SNX4: variants seen among roughly 807,000 people sequenced by gnomAD.
SNX4 encodes sorting nexin 4.
A neutral mutation model predicts 70.8 loss-of-function variants in SNX4; 49 were observed. The observed-to-expected ratio is 0.69, with a 90% CI of 0.55 to 0.88. SNX4 has a LOEUF of 0.88. Among genes scored for constraint, SNX4 ranks in the 40% least tolerant of loss-of-function variants. The probability of loss-of-function intolerance (pLI) is 0.00; values close to 1 mark genes in which losing one functional copy is unlikely to be tolerated. For synonymous variants in SNX4, 206 were observed against 183.8 expected (o/e 1.12, Z -0.98); for missense variants, 528 against 544.8 (o/e 0.97, Z 0.31).
At chr3:125,485,988 G>A (rs9861414) in intron 6 of SNX4, among the ~76,000 whole-genome samples, 68,213 of 151,850 alleles carry the variant, frequency 0.45, 15,444 homozygotes, top group Admixed American at 0.51. Context: ...TTACAGGTGT[G>A]CCCCACCACA....
intron 5 of SNX4, among the ~76,000 whole-genome samples, chr3:125,494,230 T>C (rs961777873): frequency 1.3e-4 from 20 of 152,186 alleles, no homozygotes; most frequent in Middle Eastern, 3.4e-3. Context: ...AATAAAGCTT[T>C]CAACACTTCC....
chr3:125,453,510 T>G (rs1419472320), intron 12 of SNX4, among the ~76,000 whole-genome samples: 1 of 151,820 alleles, frequency 6.6e-6, no homozygotes, highest in African/African-American at 2.4e-5. Flanking sequence ...ATTTATTTAT[T>G]TATTTATTTA....
rs545185205 is a variant in SNX4 at position 125,460,772 on chromosome 3, G to A, written c.943C>T (p.Arg315Trp). 2.7e-6 allele frequency: 4 copies of A among 1,498,556 alleles called. No homozygotes were observed. Among genetic ancestry groups the A allele is most frequent in the Admixed American group, 4.2e-5 (2 of 47,640 alleles). 92.8% of individuals were successfully genotyped at this position (1,498,556 alleles called of 1,614,324 possible). Residue 315 changes from arginine (R) to tryptophan (W), a missense_variant and splice_region_variant, in exon 10 of 14, where the codon CGG (arginine) becomes TGG (tryptophan). Arg to Trp is a moderately radical substitution (Grantham distance 101, BLOSUM62 -3). Coordinates refer to ENST00000251775, the MANE Select transcript of SNX4 (RefSeq NM_003794.4). ...ACCTGGAACTTTTATTAAACTTACC[G>A]CAATGCTTCTGCATAAAAAAGATAC... ...KEYLFYAEAL[R>W]AVCRKHELMQ...
chr3:125,488,172 T>TAAAAAAAA (rs35693375), intron 6 of SNX4, among the ~76,000 whole-genome samples: 1 of 93,524 alleles, frequency 1.1e-5, no homozygotes, highest in Admixed American at 1.2e-4. Context: ...AATAGTCTAT[T>TAAAAAAAA]AAAAAAAAAA....
At chr3:125,478,575 T>C (rs1934338047) in intron 7 of SNX4, among the ~76,000 whole-genome samples, 1 of 152,112 alleles carries the variant, frequency 6.6e-6, no homozygotes, top group East Asian at 1.9e-4. Flanking sequence ...AGGGAACATC[T>C]TACAGGGTTA....
chr3:125,503,174 G>A (rs1369686015), intron 2 of SNX4, among the ~76,000 whole-genome samples: 11 of 152,118 alleles, frequency 7.2e-5, no homozygotes, highest in East Asian at 5.8e-4. Flanking sequence ...CCCAAAGTGC[G>A]GAGATTACAG....
At chr3:125,516,405 G>A (rs1177863143) in intron 1 of SNX4, among the ~76,000 whole-genome samples, 1 of 152,184 alleles carries the variant, frequency 6.6e-6, no homozygotes, top group Non-Finnish European at 1.5e-5. Context: ...TACAGAAAAA[G>A]AGCTTACATA....
intron 1 of SNX4, among the ~76,000 whole-genome samples, chr3:125,510,415 C>T (rs1935145770): frequency 1.3e-5 from 2 of 151,708 alleles, no homozygotes; most frequent in Non-Finnish European, 2.9e-5. Flanking sequence ...ATTTTTAGTA[C>T]AGACAGGGTT....
chr3:125,488,241 C>G (rs1223656876), intron 6 of SNX4, among the ~76,000 whole-genome samples: 1 of 149,778 alleles, frequency 6.7e-6, no homozygotes, highest in Admixed American at 6.7e-5. Flanking sequence ...TTTGGGAGGC[C>G]AAGGCGGGTG....
At chr3:125,459,091 T>C (rs1933809028) in intron 10 of SNX4, among the ~76,000 whole-genome samples, 1 of 151,982 alleles carries the variant, frequency 6.6e-6, no homozygotes, top group Admixed American at 6.6e-5. Flanking sequence ...GGAGAATCAC[T>C]TGTACCCAGG....
intron 5 of SNX4, among the ~76,000 whole-genome samples, chr3:125,491,503 T>C: frequency 6.6e-6 from 1 of 152,230 alleles, no homozygotes; most frequent in South Asian, 2.1e-4. Context: ...AGGGTCACCA[T>C]TCTAACCTTT....
chr3:125,461,665 T>A (rs1357963750), intron 9 of SNX4, among the ~76,000 whole-genome samples: 1 of 132,274 alleles, frequency 7.6e-6, no homozygotes, highest in Admixed American at 7.3e-5. Context: ...TTTATACTAA[T>A]TTTTTTTTTT....
chr3:125,504,463 A>C (rs1459311189), intron 2 of SNX4, among the ~76,000 whole-genome samples, 160 bp downstream of exon 2: 1 of 152,100 alleles, frequency 6.6e-6, no homozygotes, highest in African/African-American at 2.4e-5. Flanking sequence ...CAGCCCAGGC[A>C]ACAGAATGAG....
chr3:125,506,941 C>G (rs1258892496), intron 1 of SNX4, among the ~76,000 whole-genome samples: 3 of 149,058 alleles, frequency 2.0e-5, no homozygotes, highest in African/African-American at 7.4e-5. Context: ...ATGGTTCATG[C>G]CTGTAATCCC....
chr3:125,475,071 T>C (rs551592731), intron 8 of SNX4, among the ~76,000 whole-genome samples: 2 of 152,306 alleles, frequency 1.3e-5, no homozygotes, highest in East Asian at 1.9e-4. Context: ...TATATTTTCA[T>C]AGACCCTGGT....
intron 5 of SNX4, among the ~76,000 whole-genome samples, chr3:125,490,300 C>T (rs1029403820): frequency 6.6e-6 from 1 of 151,724 alleles, no homozygotes; most frequent in South Asian, 2.1e-4. Flanking sequence ...TTTGGGAGGC[C>T]GAGGCAGGCG....
chr3:125,471,325 C>T (rs9813768), intron 8 of SNX4, among the ~76,000 whole-genome samples: 14,504 of 82,660 alleles, frequency 0.18, 871 homozygotes, highest in Admixed American at 0.25. Context: ...GTGTGGGCAA[C>T]AAGAGCAAAG....
intron 1 of SNX4, among the ~76,000 whole-genome samples, chr3:125,509,119 G>A (rs1935110304): frequency 6.6e-6 from 1 of 151,910 alleles, no homozygotes; most frequent in Admixed American, 6.6e-5. Flanking sequence ...GATTACTTGA[G>A]GTCAGGAGTT....
At chr3:125,489,599 G>A in intron 5 of SNX4, 136 bp from the exon 6 acceptor site, 1 of 669,554 alleles carries the variant, frequency 1.5e-6, no homozygotes, top group Non-Finnish European at 2.6e-6. Context: ...CATTAAACAT[G>A]CCTAAAAAAA....
Sources: gnomAD v4.1 joint callset for allele counts (sites outside exome capture counted in the v4.1 genomes callset) on GRCh38, gnomAD v4.1.1 for gene constraint, MANE v1.5 for transcripts, NCBI Gene and HGNC (gene_info 2026-07-23, HGNC 2026-07-21) for gene names.